Variants in RGS7 observed in about 807,000 individuals in gnomAD.
The protein encoded by RGS7 is regulator of G protein signaling 7, also known as regulator of G-protein signaling 7.
In RGS7, 27 loss-of-function variants were observed where a neutral mutation model predicts 81.1. The ratio of observed to expected loss-of-function variants is 0.33; its 90% CI spans 0.25 to 0.46. The LOEUF is 0.46. RGS7 is among the 20% of genes least tolerant of loss of function. RGS7 has a pLI of 1.00. For missense variants in RGS7, 396 were observed against 607.4 expected (o/e 0.65, Z 3.66); for synonymous variants, 208 against 207.7 (o/e 1.00, Z -0.01).
intron 2 of RGS7, among the ~76,000 whole-genome samples, chr1:241,218,451 G>T (rs2074702415): frequency 6.6e-6 from 1 of 152,170 alleles, no homozygotes; most frequent in Non-Finnish European, 1.5e-5. Context: ...ATTTTTGTGT[G>T]TTCAGCTAAA....
In RGS7 at chr1:241,153,214, G is replaced by T. The variant is rs181405813; in HGVS notation, c.79-54452C>A. On this transcript the variant is annotated intron_variant, in intron 2 of 18. Coordinates refer to ENST00000440928, the MANE Select transcript of RGS7 (RefSeq NM_001364886.1). Reference sequence around the variant, plus strand: ...ATGCATTTGTCAGGCTGATGACTGAGGGTGGGAGCATCATGGAGAGTCACA... The same window carrying T: ...ATGCATTTGTCAGGCTGATGACTGATGGTGGGAGCATCATGGAGAGTCACA... Among the ~76,000 whole-genome samples the T allele has an allele frequency of 3.1e-4, 47 of 152,338 alleles. No homozygotes were observed. The East Asian group carries it at 7.1e-3, about 23-fold the overall frequency.
At chr1:241,085,857 T>C (rs1341107905) in intron 3 of RGS7, among the ~76,000 whole-genome samples, 4 of 152,220 alleles carry the variant, frequency 2.6e-5, no homozygotes, top group Non-Finnish European at 4.4e-5. Context: ...ACTGGAGTCC[T>C]ATCCACTGAA....
rs149914871 is a variant in RGS7, at chr1:241,019,775, G to A, written c.176-36646C>T. On this transcript the variant is annotated intron_variant, in intron 3 of 18. Transcript: ENST00000440928. Reference sequence around the variant, plus strand: ...TCTATTATTGATGGACATTTGGGTCGGTTCCAAGTCTTTGCTATTGTGAAT... The same window carrying A: ...TCTATTATTGATGGACATTTGGGTCAGTTCCAAGTCTTTGCTATTGTGAAT... Among the ~76,000 whole-genome samples, 781 of 152,234 alleles carry A rather than the reference G, an allele frequency of 5.1e-3. 7 individuals are homozygous for A. The highest frequency in any genetic ancestry group is 0.018 in the African/African-American group (731 of 41,540).
chr1:240,897,599 T>A (rs1669302285), intron 6 of RGS7, among the ~76,000 whole-genome samples: 1 of 152,214 alleles, frequency 6.6e-6, no homozygotes, highest in African/African-American at 2.4e-5. Flanking sequence ...GATTTGCTTA[T>A]GTTGAACCAG....
At chr1:240,945,123 G>T (rs554849292) in intron 4 of RGS7, among the ~76,000 whole-genome samples, 1 of 152,186 alleles carries the variant, frequency 6.6e-6, no homozygotes, top group African/African-American at 2.4e-5. Flanking sequence ...TAGAAGTTGT[G>T]GCAGAGCAGC....
intron 6 of RGS7, among the ~76,000 whole-genome samples, chr1:240,876,971 C>A (rs1460204849): frequency 2.6e-5 from 4 of 152,046 alleles, no homozygotes; most frequent in South Asian, 2.1e-4. Context: ...TTCCAAAAAA[C>A]CCCCAAAAAA....
chr1:241,239,149 T>C (rs954145189), intron 2 of RGS7, among the ~76,000 whole-genome samples: 1 of 152,056 alleles, frequency 6.6e-6, no homozygotes, highest in Non-Finnish European at 1.5e-5. Context: ...TGTGTATTTT[T>C]AGTAGAGACG....
At chr1:240,789,430 A>C (rs1241319186) in intron 18 of RGS7, among the ~76,000 whole-genome samples, 1 of 152,218 alleles carries the variant, frequency 6.6e-6, no homozygotes, top group Non-Finnish European at 1.5e-5. Flanking sequence ...TTAAACTCTG[A>C]CTGCTGGTGA....
intron 3 of RGS7, among the ~76,000 whole-genome samples, chr1:241,044,669 C>A (rs1299139035): frequency 6.6e-6 from 1 of 152,108 alleles, no homozygotes; most frequent in African/African-American, 2.4e-5. Flanking sequence ...TGGCCTCAAG[C>A]AGTCTTCCCA....
At chr1:241,203,936 A>G (rs1222582421) in intron 2 of RGS7, among the ~76,000 whole-genome samples, 3 of 152,230 alleles carry the variant, frequency 2.0e-5, no homozygotes, top group Non-Finnish European at 2.9e-5. Context: ...AATCAGAAAC[A>G]GTAAAAACTT....
chr1:240,897,694 T>C (rs534326958), intron 6 of RGS7, among the ~76,000 whole-genome samples: 1 of 152,370 alleles, frequency 6.6e-6, no homozygotes, highest in South Asian at 2.1e-4. Context: ...CCGTATTTTA[T>C]TGAGGATTTT....
chr1:241,010,978 A>G (rs1472159103), intron 3 of RGS7, among the ~76,000 whole-genome samples: 6 of 152,142 alleles, frequency 3.9e-5, no homozygotes, highest in Non-Finnish European at 7.4e-5. Context: ...ATCACGTGCA[A>G]TCAACACACA....
At position 240,930,700 on chromosome 1, in the gene RGS7, T is replaced by C. The variant is rs1051616573; in HGVS notation, c.385+17A>G. 4.3e-6 allele frequency: 7 copies of C among 1,610,948 alleles called. No individual in the cohort carries two copies. In the Admixed American group the frequency reaches 5.0e-5, roughly 12 times the overall value. On this transcript the variant is annotated intron_variant, in intron 6 of 18. Coordinates refer to ENST00000440928, the MANE Select transcript of RGS7 (RefSeq NM_001364886.1). Reference sequence around the variant, plus strand: ...ATACAGGCTGTCAATAATAAAATAATGAGAGATGGCACTGACCATAATCTG... The same window carrying C: ...ATACAGGCTGTCAATAATAAAATAACGAGAGATGGCACTGACCATAATCTG...
chr1:241,351,967 G>A (rs2083275528), intron 2 of RGS7, among the ~76,000 whole-genome samples: 1 of 152,148 alleles, frequency 6.6e-6, no homozygotes, highest in Non-Finnish European at 1.5e-5. Flanking sequence ...TGGCCCCAAG[G>A]TGACCTAGAA....
chr1:241,244,953 G>A (rs2076447351), intron 2 of RGS7, among the ~76,000 whole-genome samples: 1 of 139,504 alleles, frequency 7.2e-6, no homozygotes, highest in Non-Finnish European at 1.5e-5. Context: ...ACCAGGGCCT[G>A]TTGTAGGTTG....
At chr1:240,806,102 G>C in intron 15 of RGS7, 38 bp downstream of exon 15, 1 of 1,585,790 alleles carries the variant, frequency 6.3e-7, no homozygotes, top group Non-Finnish European at 8.7e-7. Flanking sequence ...CAACTTCTCG[G>C]AAGCACGTTT....
chr1:241,111,504 A>G (rs2065508848), intron 2 of RGS7, among the ~76,000 whole-genome samples: 1 of 152,150 alleles, frequency 6.6e-6, no homozygotes, highest in Admixed American at 6.5e-5. Context: ...CCGAGGCCAG[A>G]TACCATGGTT....
intron 6 of RGS7, among the ~76,000 whole-genome samples, chr1:240,927,984 T>C (rs1418881734): frequency 6.6e-6 from 1 of 152,176 alleles, no homozygotes; most frequent in Non-Finnish European, 1.5e-5. Context: ...ACCCTGAGTC[T>C]GGGAATGCCT....
intron 4 of RGS7, among the ~76,000 whole-genome samples, chr1:240,971,092 G>A (rs1294168702): frequency 6.6e-6 from 1 of 152,208 alleles, no homozygotes; most frequent in Non-Finnish European, 1.5e-5. Context: ...TACGGGAGGT[G>A]ATTAGGTAAT....
Sources: gnomAD v4.1 joint callset for allele counts (sites outside exome capture counted in the v4.1 genomes callset) on GRCh38, gnomAD v4.1.1 for gene constraint, MANE v1.5 for transcripts, NCBI Gene and HGNC (gene_info 2026-07-23, HGNC 2026-07-21) for gene names.